Variants in RAB6B observed in about 807,000 individuals in gnomAD.
RAB6B encodes RAB6B, member RAS oncogene family, also known as ras-related protein Rab-6B.
A neutral mutation model predicts 31.2 loss-of-function variants in RAB6B; 7 were observed. The ratio of observed to expected loss-of-function variants is 0.22; its 90% CI spans 0.13 to 0.42. The LOEUF (loss-of-function observed/expected upper bound fraction) is 0.42. RAB6B is among the 10% of genes least tolerant of loss of function. The pLI is 1.00. For missense variants in RAB6B, 149 were observed against 280.6 expected, an observed-to-expected ratio of 0.53 and a Z score of 3.35; for synonymous variants, 105 against 104.9, an observed-to-expected ratio of 1.00 and a Z score of -0.01.
At chr3:133,842,265 C>T (rs1397504663) in intron 2 of RAB6B, among the ~76,000 whole-genome samples, 1 of 152,242 alleles carries the variant, frequency 6.6e-6, no homozygotes, top group African/African-American at 2.4e-5. Flanking sequence ...AAGCTGTCAC[C>T]AGCTCCCCTG....
At position 133,827,623 on chromosome 3, in the gene RAB6B, C is replaced by A. The variant is rs1268340627; in HGVS notation, c.*1165G>T. 2 of 476,284 alleles carry A rather than the reference C, an allele frequency of 4.2e-6. No individual in the cohort carries two copies. The highest frequency in any genetic ancestry group is 7.5e-6 in the Non-Finnish European group (2 of 266,060). The allele number at this position is 476,284 out of a possible 1,614,324, so 29.5% of individuals were successfully genotyped here. On this transcript the variant is annotated 3_prime_UTR_variant, in exon 8 of 8. Coordinates refer to ENST00000285208, the MANE Select transcript of RAB6B (RefSeq NM_016577.4). Reference sequence around the variant, plus strand: ...AAAGATATGTCCACAAAGACTTCAACTGCGCCATGCCACTGGGGTGAAAAC... The same window carrying A: ...AAAGATATGTCCACAAAGACTTCAAATGCGCCATGCCACTGGGGTGAAAAC...
chr3:133,824,832 T>G lies in RAB6B; in HGVS notation c.*3956A>C, dbSNP rs1246338141. The G allele has an allele frequency of 6.6e-6, 1 of 152,100 alleles. No individual in the cohort carries two copies. The highest frequency in any genetic ancestry group is 1.5e-5 in the Non-Finnish European group (1 of 68,020). 9.4% of individuals were successfully genotyped at this position (152,100 alleles called of 1,614,324 possible). On this transcript the variant is annotated 3_prime_UTR_variant, in exon 8 of 8. Coordinates refer to ENST00000285208, the MANE Select transcript of RAB6B (RefSeq NM_016577.4). Reference sequence around the variant, plus strand: ...CACCCACACACAGCAGTCCTTGCTGTGTAATAAATATGGAGTCACATTTGT... The same window carrying G: ...CACCCACACACAGCAGTCCTTGCTGGGTAATAAATATGGAGTCACATTTGT...
chr3:133,861,771 G>A (rs868804478), intron 2 of RAB6B, among the ~76,000 whole-genome samples: 7 of 152,220 alleles, frequency 4.6e-5, no homozygotes, highest in Admixed American at 1.3e-4. Flanking sequence ...AAAGAGGGAA[G>A]GAGGGGTAGA....
At chr3:133,858,146 A>G (rs1936108584) in intron 2 of RAB6B, among the ~76,000 whole-genome samples, 1 of 152,172 alleles carries the variant, frequency 6.6e-6, no homozygotes, top group East Asian at 1.9e-4. Context: ...CGGGCCTTCC[A>G]CAGTCCCAGT....
At chr3:133,846,390 T>A (rs1160543726) in intron 2 of RAB6B, among the ~76,000 whole-genome samples, 1 of 152,192 alleles carries the variant, frequency 6.6e-6, no homozygotes, top group African/African-American at 2.4e-5. Context: ...GAGGTTGCAG[T>A]GAGCTGAGAT....
chr3:133,847,255 T>C (rs1221994735), intron 2 of RAB6B, among the ~76,000 whole-genome samples: 1 of 152,264 alleles, frequency 6.6e-6, no homozygotes, highest in Non-Finnish European at 1.5e-5. Context: ...CAAGAGATGC[T>C]AAGCGACTTG....
In RAB6B at chr3:133,826,800, G is replaced by GC. The variant is rs1267087056; in HGVS notation, c.*1987dup. 6.6e-6 allele frequency: 1 copy of GC among 152,666 alleles called. No individual in the cohort carries two copies. Among genetic ancestry groups the GC allele is most frequent in the Non-Finnish European group, 1.5e-5 (1 of 68,050 alleles). The allele number at this position is 152,666 out of a possible 1,614,324, so 9.5% of individuals were successfully genotyped here. On this transcript the variant is annotated 3_prime_UTR_variant, in exon 8 of 8. Coordinates refer to ENST00000285208, the MANE Select transcript of RAB6B (RefSeq NM_016577.4). ...TAAGTATTTCTTATTTCAACACGTT[G>GC]CAGTACTTTTGAATTTCCAAAACTT...
chr3:133,883,719 C>A (rs185421622), intron 1 of RAB6B, among the ~76,000 whole-genome samples: 48 of 152,370 alleles, frequency 3.2e-4, no homozygotes, highest in African/African-American at 1.1e-3. Flanking sequence ...TTATTCCCCC[C>A]ACTCACAGAC....
chr3:133,877,091 T>C (rs1936407593), intron 1 of RAB6B, among the ~76,000 whole-genome samples: 1 of 152,134 alleles, frequency 6.6e-6, no homozygotes, highest in African/African-American at 2.4e-5. Context: ...CACAGATTAC[T>C]GCCCTCAGAA....
chr3:133,829,798 C>CT (rs1482014514), intron 7 of RAB6B, among the ~76,000 whole-genome samples: 3 of 152,190 alleles, frequency 2.0e-5, no homozygotes, highest in African/African-American at 7.2e-5. Context: ...CTTGCCTTGG[C>CT]TGTGAGGATG....
chr3:133,875,056 G>C (rs1936373378), intron 1 of RAB6B, among the ~76,000 whole-genome samples: 1 of 152,188 alleles, frequency 6.6e-6, no homozygotes. Context: ...AAAGTGAGTA[G>C]AAGGTGTACA....
intron 1 of RAB6B, among the ~76,000 whole-genome samples, chr3:133,869,111 G>A (rs138414039): frequency 6.8e-4 from 104 of 152,278 alleles, no homozygotes; most frequent in Middle Eastern, 3.4e-3. Context: ...GGCTGTGGGT[G>A]GGGGTGAAGG....
chr3:133,852,777 CA>C (rs1173739967), intron 2 of RAB6B, among the ~76,000 whole-genome samples: 4 of 152,208 alleles, frequency 2.6e-5, no homozygotes, highest in Non-Finnish European at 5.9e-5. Flanking sequence ...CCATGCCTGG[CA>C]AATCCTTGAT....
At chr3:133,866,609 G>T (rs1044038803) in intron 1 of RAB6B, among the ~76,000 whole-genome samples, 1 of 152,228 alleles carries the variant, frequency 6.6e-6, no homozygotes, top group Non-Finnish European at 1.5e-5. Context: ...TGATAGAAAC[G>T]AGGCTATAAA....
At chr3:133,865,026 A>G (rs941915659) in intron 1 of RAB6B, among the ~76,000 whole-genome samples, 3 of 152,238 alleles carry the variant, frequency 2.0e-5, no homozygotes, top group African/African-American at 7.2e-5. Flanking sequence ...GCCCATGTAC[A>G]CCTTGTTGTT....
intron 1 of RAB6B, among the ~76,000 whole-genome samples, chr3:133,879,259 C>T (rs1276514884): frequency 1.3e-5 from 2 of 152,236 alleles, no homozygotes; most frequent in African/African-American, 4.8e-5. Flanking sequence ...ATTTTAATTA[C>T]ACGCACACAT....
intron 7 of RAB6B, among the ~76,000 whole-genome samples, chr3:133,830,732 C>G (rs1176063767): frequency 6.6e-6 from 1 of 152,238 alleles, no homozygotes; most frequent in Non-Finnish European, 1.5e-5. Flanking sequence ...CCAAGGCTAT[C>G]TTGACCCCAG....
At position 133,841,592 on chromosome 3, in the gene RAB6B, C is replaced by T. The variant is rs1469514669; in HGVS notation, c.183+18G>A. 6.2e-7 allele frequency: 1 copy of T among 1,612,290 alleles called. No individual in the cohort carries two copies. Among genetic ancestry groups the T allele is most frequent in the Non-Finnish European group, 8.5e-7 (1 of 1,179,080 alleles). On this transcript the variant is annotated intron_variant, in intron 3 of 7. Coordinates refer to ENST00000285208, the MANE Select transcript of RAB6B (RefSeq NM_016577.4). ...GGAACCCTCCCTGCCCCTCCCAGTCCTGATATTAGGTGCTCACCGTGCGGT... is the reference window on the plus strand; with the variant it reads ...GGAACCCTCCCTGCCCCTCCCAGTCTTGATATTAGGTGCTCACCGTGCGGT...
chr3:133,889,431 TATATATA>T (rs1475016932), intron 1 of RAB6B, among the ~76,000 whole-genome samples: 3 of 81,470 alleles, frequency 3.7e-5, no homozygotes, highest in African/African-American at 1.3e-4. Context: ...TATATATATA[TATATATA>T]TATATATTTA....
Sources: gnomAD v4.1 joint callset for allele counts (sites outside exome capture counted in the v4.1 genomes callset) on GRCh38, gnomAD v4.1.1 for gene constraint, MANE v1.5 for transcripts, NCBI Gene and HGNC (gene_info 2026-07-23, HGNC 2026-07-21) for gene names.